FBLN1: variants seen among roughly 807,000 people sequenced by gnomAD.
FBLN1 encodes fibulin 1.
Under a neutral mutation model 89.7 loss-of-function variants are expected in FBLN1, and 34 were observed. The observed-to-expected ratio is 0.38, with a 90% confidence interval of 0.29 to 0.50. The LOEUF (loss-of-function observed/expected upper bound fraction) is 0.50. FBLN1 is among the 20% of genes least tolerant of loss of function. The pLI is 0.92. For synonymous variants in FBLN1, 393 were observed against 391.3 expected, an observed-to-expected ratio of 1.00 and a Z score of -0.05; for missense variants, 777 against 988.1, an observed-to-expected ratio of 0.79 and a Z score of 2.86.
In FBLN1 at chr22:45,523,038, G is replaced by C. The variant is rs201802368; in HGVS notation, c.186-2505G>C. ...TTGTAGGAAGGCAGGATGTGCCGTG[G>C]GGGAAACAGGGAGGCATAGGGGCTT... On this transcript the variant is annotated intron_variant, in intron 2 of 16. Transcript: ENST00000327858. 7.5e-5 allele frequency: 49 copies of C among 656,114 alleles called. No homozygotes were observed. In the East Asian group the frequency reaches 1.2e-3, roughly 17 times the overall value. 40.6% of individuals were successfully genotyped at this position (656,114 alleles called of 1,614,324 possible).
intron 16 of FBLN1, among the ~76,000 whole-genome samples, chr22:45,589,069 ATATATAAAAATATTTTT>A (rs2089112808): frequency 4.1e-5 from 2 of 49,346 alleles, no homozygotes; most frequent in East Asian, 1.9e-3. Flanking sequence ...TGTATTTTTT[ATATATAAAAATATTTTT>A]TATATATATA....
chr22:45,588,525 GA>G lies in FBLN1; in HGVS notation c.1972+11418del, dbSNP rs2089107358. Among the ~76,000 whole-genome samples the G allele has an allele frequency of 6.6e-6, 1 of 152,144 alleles. No individual in the cohort carries two copies. Among genetic ancestry groups the G allele is most frequent in the Non-Finnish European group, 1.5e-5 (1 of 68,038 alleles). On this transcript the variant is annotated intron_variant, in intron 16 of 16. Coordinates refer to ENST00000327858, the MANE Select transcript of FBLN1 (RefSeq NM_006486.3). The surrounding 1 kb of genome is among the most constrained non-coding windows in gnomAD (Gnocchi z 5.1). ...TTGCTTCTTATACACACACAGAACAGATGCACCCACTGGGGTCACCCCAACC... is the reference window on the plus strand; with the variant it reads ...TTGCTTCTTATACACACACAGAACAGTGCACCCACTGGGGTCACCCCAACC...
At chr22:45,541,091 C>A in intron 8 of FBLN1, 138 bp from the exon 9 acceptor site, 1 of 1,112,872 alleles carries the variant, frequency 9.0e-7, no homozygotes, top group Non-Finnish European at 1.4e-6. Context: ...GCTGTGTGGT[C>A]CAGAGTGAGG....
rs768870592 is a variant in FBLN1 at position 45,542,300 on chromosome 22, G to A, written c.1195+17G>A. Reference sequence around the variant, plus strand: ...TGTGTGTCGGTGCGTGGGGGGCCCCGCAGGCCTCGGGGGAACCCAGCCACG... The same window carrying A: ...TGTGTGTCGGTGCGTGGGGGGCCCCACAGGCCTCGGGGGAACCCAGCCACG... On this transcript the variant is annotated intron_variant, in intron 10 of 16. Transcript: ENST00000327858. 16 of 1,613,380 alleles carry A rather than the reference G, an allele frequency of 9.9e-6. No individual in the cohort carries two copies. Among genetic ancestry groups the A allele is most frequent in the Admixed American group, 3.3e-5 (2 of 60,026 alleles).
chr22:45,600,076 C>T (rs942560838), intron 16 of FBLN1, among the ~76,000 whole-genome samples: 3 of 152,222 alleles, frequency 2.0e-5, no homozygotes, highest in Non-Finnish European at 2.9e-5. Flanking sequence ...AAGGCTGTCC[C>T]AGCAAGTAGT....
intron 14 of FBLN1, among the ~76,000 whole-genome samples, chr22:45,551,521 C>G (rs113764477): frequency 6.6e-6 from 1 of 152,246 alleles, no homozygotes; most frequent in Non-Finnish European, 1.5e-5. Flanking sequence ...CCCGAGCAGC[C>G]CCGTTGTCCC....
chr22:45,568,629 GGGAATGCCTCTTCTGT>G (rs1463558211), intron 14 of FBLN1, among the ~76,000 whole-genome samples: 6 of 112,936 alleles, frequency 5.3e-5, no homozygotes, highest in African/African-American at 2.1e-4. Flanking sequence ...CCTCCTGTAA[GGGAATGCCTCTTCTGT>G]GGGAGAATGC....
chr22:45,569,248 G>A (rs2088930374), intron 14 of FBLN1, among the ~76,000 whole-genome samples: 1 of 152,140 alleles, frequency 6.6e-6, no homozygotes, highest in African/African-American at 2.4e-5. Context: ...TACCTCTAAA[G>A]TCCCTATCTC....
intron 1 of FBLN1, among the ~76,000 whole-genome samples, chr22:45,508,701 A>G (rs770842776): frequency 1.3e-5 from 2 of 152,162 alleles, no homozygotes; most frequent in Non-Finnish European, 2.9e-5. Context: ...CAGAGGCTGC[A>G]TGGCCTCGGG....
At chr22:45,599,065 T>C (rs763069573) in intron 16 of FBLN1, among the ~76,000 whole-genome samples, 3 of 152,204 alleles carry the variant, frequency 2.0e-5, no homozygotes, top group African/African-American at 4.8e-5. Context: ...GGAGGACTTG[T>C]GGCACCCACT....
intron 16 of FBLN1, among the ~76,000 whole-genome samples, chr22:45,585,141 G>T (rs1212807386): frequency 6.6e-6 from 1 of 152,192 alleles, no homozygotes; most frequent in Non-Finnish European, 1.5e-5. Context: ...GTGTGGCAGG[G>T]CTGCTATGTA....
At position 45,563,553 on chromosome 22, in the gene FBLN1, G is replaced by A. The variant is rs1007129202; in HGVS notation, c.1698-10958G>A. The stretch of plus-strand genomic sequence containing the variant: ...TCTGTGCCGACAGGGAGGCCAGGCC[G>A]GGTACATCATTTCACATGTGTTAAC... On this transcript the variant is annotated intron_variant, in intron 14 of 16. Transcript: ENST00000327858. The surrounding 1 kb of genome is among the most constrained non-coding windows in gnomAD (Gnocchi z 5.7). 7.9e-5 allele frequency among the ~76,000 whole-genome samples: 12 copies of A among 152,206 alleles called. No homozygotes were observed. The highest frequency in any genetic ancestry group is 2.4e-4 in the African/African-American group (10 of 41,446).
At position 45,563,213 on chromosome 22, in the gene FBLN1, A is replaced by C; in HGVS notation, c.1698-11298A>C. The C allele has an allele frequency of 6.2e-7, 1 of 1,613,742 alleles. No homozygotes were observed. Among genetic ancestry groups the C allele is most frequent in the Non-Finnish European group, 8.5e-7 (1 of 1,180,030 alleles). On this transcript the variant is annotated intron_variant, in intron 14 of 16. Coordinates refer to ENST00000327858, the MANE Select transcript of FBLN1 (RefSeq NM_006486.3). This position sits in a 1 kb window ranked among gnomAD's most constrained non-coding sequence, Gnocchi z 5.7. The stretch of plus-strand genomic sequence containing the variant: ...CAAGATGGATCTCTCTCGCCACGGC[A>C]CCGTCAGCTCCTTTGTGGCCAAGCT...
intron 14 of FBLN1, chr22:45,565,340 C>T (rs890130004): frequency 2.5e-6 from 3 of 1,180,714 alleles, no homozygotes; most frequent in South Asian, 1.5e-5. Context: ...CTGCACCTGC[C>T]CCACCCCAGC....
At chr22:45,509,032 C>A (rs891184667) in intron 1 of FBLN1, among the ~76,000 whole-genome samples, 1 of 152,126 alleles carries the variant, frequency 6.6e-6, no homozygotes, top group Non-Finnish European at 1.5e-5. Flanking sequence ...GAGGAAGGGA[C>A]CTTTGAGCTG....
rs1295437509 is a variant in FBLN1, at chr22:45,562,341, G to A, written c.1697+11726G>A. ...GCTCCCTCACTCACTCTGTGACCTT[G>A]GGAAGTGGGAAGGCCACATTCTCTC... is the stretch of plus-strand genomic sequence containing the variant. On this transcript the variant is annotated intron_variant, in intron 14 of 16. Transcript: ENST00000327858. The surrounding 1 kb of genome is among the most constrained non-coding windows in gnomAD (Gnocchi z 7.8). 6.6e-6 allele frequency among the ~76,000 whole-genome samples: 1 copy of A among 152,190 alleles called. No homozygotes were observed. Among genetic ancestry groups the A allele is most frequent in the African/African-American group, 2.4e-5 (1 of 41,452 alleles).
intron 14 of FBLN1, among the ~76,000 whole-genome samples, chr22:45,554,727 C>T (rs906837840): frequency 2.0e-5 from 3 of 152,202 alleles, no homozygotes; most frequent in Non-Finnish European, 4.4e-5. Flanking sequence ...GATGGCAGGG[C>T]TTCCTGGAGC....
chr22:45,538,072 T>TC (rs1160918776), intron 8 of FBLN1, among the ~76,000 whole-genome samples: 22 of 152,206 alleles, frequency 1.4e-4, no homozygotes, highest in African/African-American at 5.3e-4. Context: ...TCGGGAGCCG[T>TC]CCCCTTACTG....
At position 45,546,373 on chromosome 22, in the gene FBLN1, T is replaced by C. The variant is rs570786229; in HGVS notation, c.1322-712T>C. ...TTGTGACTACAGGTGCGTGCCACCA[T>C]GCCTGGCTAATTCTTGTATTTTTAG... On this transcript the variant is annotated intron_variant, in intron 11 of 16. Transcript: ENST00000327858. Among the ~76,000 whole-genome samples, 103 of 152,306 alleles carry C rather than the reference T, an allele frequency of 6.8e-4. 1 individual carries two copies. The highest frequency in any genetic ancestry group is 3.4e-3 in the Middle Eastern group (1 of 294).
Sources: allele counts gnomAD v4.1 joint callset (sites outside exome capture counted in the v4.1 genomes callset), GRCh38; gene constraint gnomAD v4.1.1; non-coding constraint Gnocchi (gnomAD v3.1); transcripts MANE v1.5; gene names NCBI Gene and HGNC (gene_info 2026-07-23, HGNC 2026-07-21).